The following SIPA1L1 variants were observed in gnomAD, a reference collection of about 807,000 sequenced individuals.
SIPA1L1 encodes the protein signal induced proliferation associated 1 like 1.
SIPA1L1 carries 26 observed loss-of-function variants against 162.7 expected under a neutral mutation model. That is an observed-to-expected ratio of 0.16 (90% CI 0.12 to 0.22). SIPA1L1 has a LOEUF of 0.22. Ranked by LOEUF, SIPA1L1 falls within the 10% of genes least tolerant of loss-of-function variation. The pLI, the probability that SIPA1L1 is intolerant of heterozygous loss-of-function variation, is 1.00. For synonymous variants in SIPA1L1, 829 were observed against 837.4 expected (o/e 0.99, Z 0.17); for missense variants, 1,874 against 2,241.0 (o/e 0.84, Z 3.31).
chr14:71,739,431 AAT>A lies in SIPA1L1; in HGVS notation c.*273_*274del. On this transcript the variant is annotated 3_prime_UTR_variant, in exon 24 of 24. Transcript: ENST00000381232. Reference sequence around the variant, plus strand: ...TGTGAATGTCTTTATTTTTTTGCACAATATCTTTATCTGTTATGTATTTAAGA... The same window carrying A: ...TGTGAATGTCTTTATTTTTTTGCACAATCTTTATCTGTTATGTATTTAAGA... The A allele has an allele frequency of 4.6e-6, 1 of 217,924 alleles. No homozygotes were observed. Among genetic ancestry groups the A allele is most frequent in the East Asian group, 8.9e-5 (1 of 11,290 alleles). 13.5% of individuals were successfully genotyped at this position (217,924 alleles called of 1,614,324 possible). A position where few individuals can be genotyped will look rare whatever the true frequency, so the allele number is the denominator to read the frequency against.
At chr14:71,446,541 T>A (rs898386867) in intron 2 of SIPA1L1, among the ~76,000 whole-genome samples, 3 of 152,168 alleles carry the variant, frequency 2.0e-5, no homozygotes, top group African/African-American at 7.2e-5. Context: ...GCACTTCAGC[T>A]TGGGCGACAG....
chr14:71,550,905 T>A (rs986108174), intron 4 of SIPA1L1, among the ~76,000 whole-genome samples: 1 of 152,114 alleles, frequency 6.6e-6, no homozygotes, highest in African/African-American at 2.4e-5. Flanking sequence ...AAAGATTAGC[T>A]GGGCATGGTG....
At chr14:71,600,898 C>T (rs1278369700) in intron 5 of SIPA1L1, among the ~76,000 whole-genome samples, 1 of 151,780 alleles carries the variant, frequency 6.6e-6, no homozygotes, top group African/African-American at 2.4e-5. Flanking sequence ...TCAACTAATT[C>T]GTTATTGGTG....
chr14:71,390,351 G>T (rs1314477221), intron 2 of SIPA1L1, among the ~76,000 whole-genome samples: 1 of 123,094 alleles, frequency 8.1e-6, no homozygotes, highest in Admixed American at 9.0e-5. Flanking sequence ...TTTCCTTTCA[G>T]GGTTTTTTGG....
chr14:71,475,743 C>A (rs1172284064), intron 2 of SIPA1L1, among the ~76,000 whole-genome samples: 1 of 152,142 alleles, frequency 6.6e-6, no homozygotes, highest in African/African-American at 2.4e-5. Flanking sequence ...TAGGACACAG[C>A]TGAAAAAGGG....
chr14:71,658,198 A>T, intron 8 of SIPA1L1, 135 bp from the exon 9 acceptor site: 1 of 594,856 alleles, frequency 1.7e-6, no homozygotes, highest in African/African-American at 1.9e-5. Context: ...AAAAAGGAAG[A>T]ACACCTGTCT....
chr14:71,392,538 CTT>C (rs956364871), intron 2 of SIPA1L1, among the ~76,000 whole-genome samples: 1 of 150,008 alleles, frequency 6.7e-6, no homozygotes, highest in African/African-American at 2.4e-5. Flanking sequence ...ACTATTGAAA[CTT>C]TTTTTTTTGA....
rs538635244 is a variant in SIPA1L1, at chr14:71,426,407, TG to T, written c.-464-86335del. ...AATTTTTTTTTTCTTGTTTGTATTCTGTAGGTATTTTCTTTGTGGTTACCAT... is the reference window on the plus strand; with the variant it reads ...AATTTTTTTTTTCTTGTTTGTATTCTTAGGTATTTTCTTTGTGGTTACCAT... On this transcript the variant is annotated intron_variant, in intron 2 of 23. Coordinates refer to ENST00000381232, the MANE Select transcript of SIPA1L1 (RefSeq NM_001386936.1). Among the ~76,000 whole-genome samples the T allele has an allele frequency of 6.7e-3, 1,022 of 152,110 alleles. 7 individuals are homozygous for T. Among genetic ancestry groups the T allele is most frequent in the Non-Finnish European group, 0.012 (799 of 67,986 alleles).
rs80308225 is a variant in SIPA1L1, at chr14:71,525,980, C to T, written c.-361-3332C>T. On this transcript the variant is annotated intron_variant, in intron 3 of 23. Transcript: ENST00000381232. ...CTGTGTACGCTATCTAATCATAGCT[C>T]GTTCTCAAGTCCTACATGAAACTTG... 2.0e-5 allele frequency among the ~76,000 whole-genome samples: 3 copies of T among 152,254 alleles called. No homozygotes were observed. In the East Asian group the frequency reaches 5.8e-4, roughly 29 times the overall value.
At chr14:71,692,174 A>G (rs1270356580) in intron 13 of SIPA1L1, among the ~76,000 whole-genome samples, 1 of 152,232 alleles carries the variant, frequency 6.6e-6, no homozygotes, top group Admixed American at 6.5e-5. Context: ...TCTTGGAGAA[A>G]ATAAACCAAT....
chr14:71,432,130 A>G lies in SIPA1L1; in HGVS notation c.-464-80613A>G, dbSNP rs553501610. 5.9e-5 allele frequency among the ~76,000 whole-genome samples: 9 copies of G among 152,172 alleles called. No homozygotes were observed. In the East Asian group the frequency reaches 1.4e-3, roughly 23 times the overall value. On this transcript the variant is annotated intron_variant, in intron 2 of 23. Coordinates refer to ENST00000381232, the MANE Select transcript of SIPA1L1 (RefSeq NM_001386936.1). Reference sequence around the variant, plus strand: ...GTCTCTGTAGCCCAGGCTAGAGTACATTGGCGTGATCACAGCTCACTGCAG... The same window carrying G: ...GTCTCTGTAGCCCAGGCTAGAGTACGTTGGCGTGATCACAGCTCACTGCAG...
chr14:71,648,282 C>A (rs1322115206), intron 7 of SIPA1L1, among the ~76,000 whole-genome samples: 1 of 152,034 alleles, frequency 6.6e-6, no homozygotes, highest in Non-Finnish European at 1.5e-5. Context: ...AAGAGCGAAG[C>A]GAAACTCCAT....
At chr14:71,432,417 C>A (rs896787136) in intron 2 of SIPA1L1, among the ~76,000 whole-genome samples, 1 of 152,146 alleles carries the variant, frequency 6.6e-6, no homozygotes, top group African/African-American at 2.4e-5. Flanking sequence ...TGAATTCCTT[C>A]CCTCGGGGTC....
chr14:71,579,214 C>T (rs1021449997), intron 4 of SIPA1L1, among the ~76,000 whole-genome samples: 10 of 152,082 alleles, frequency 6.6e-5, no homozygotes, highest in Non-Finnish European at 1.2e-4. Flanking sequence ...TATGTATTTT[C>T]TATGGTAGTA....
intron 4 of SIPA1L1, among the ~76,000 whole-genome samples, chr14:71,533,312 C>G (rs2053609136): frequency 6.6e-6 from 1 of 152,130 alleles, no homozygotes; most frequent in Admixed American, 6.5e-5. Flanking sequence ...TAGGAATAGA[C>G]ATAAAATGAA....
intron 2 of SIPA1L1, among the ~76,000 whole-genome samples, chr14:71,448,493 A>G (rs2045579306): frequency 6.6e-6 from 1 of 152,200 alleles, no homozygotes; most frequent in Non-Finnish European, 1.5e-5. Context: ...GGAATTCTAT[A>G]TTCTGAAAAC....
At chr14:71,390,429 A>G (rs2040653471) in intron 2 of SIPA1L1, among the ~76,000 whole-genome samples, 1 of 152,138 alleles carries the variant, frequency 6.6e-6, no homozygotes, top group Non-Finnish European at 1.5e-5. Flanking sequence ...TCCCATGTAC[A>G]TAGCTATTCT....
intron 5 of SIPA1L1, among the ~76,000 whole-genome samples, chr14:71,591,255 T>C (rs1418111142): frequency 1.3e-5 from 2 of 152,080 alleles, no homozygotes; most frequent in African/African-American, 4.8e-5. Context: ...AATCTCTTGA[T>C]GCCCAGGAAG....
At chr14:71,568,125 A>G (rs147317296) in intron 4 of SIPA1L1, among the ~76,000 whole-genome samples, 212 of 152,214 alleles carry the variant, frequency 1.4e-3, no homozygotes, top group Non-Finnish European at 2.5e-3. Context: ...CTGACCTCCC[A>G]TCTCATCTTG....
Sources: gnomAD v4.1 joint callset for allele counts (sites outside exome capture counted in the v4.1 genomes callset) on GRCh38, gnomAD v4.1.1 for gene constraint, MANE v1.5 for transcripts, NCBI Gene and HGNC (gene_info 2026-07-23, HGNC 2026-07-21) for gene names.